Variants in FOXN3 observed in about 807,000 individuals in gnomAD.
The protein encoded by FOXN3 is forkhead box protein N3.
A neutral mutation model predicts 38.4 loss-of-function variants in FOXN3; 7 were observed. The ratio of observed to expected loss-of-function variants is 0.18; its 90% CI spans 0.10 to 0.34. The LOEUF (loss-of-function observed/expected upper bound fraction) is 0.34, where lower values mean the gene tolerates loss of function less well. FOXN3 is among the 10% of genes least tolerant of loss of function. The pLI is 1.00. For synonymous variants in FOXN3, 230 were observed against 242.2 expected (o/e 0.95, Z 0.47); for missense variants, 456 against 613.4 (o/e 0.74, Z 2.71).
intron 3 of FOXN3, chr14:89,349,598 G>C (rs1391498670): frequency 6.6e-6 from 1 of 152,626 alleles, no homozygotes; most frequent in Non-Finnish European, 1.5e-5. Flanking sequence ...CACGCTAATC[G>C]CCTAGCAAAG....
intron 4 of FOXN3, among the ~76,000 whole-genome samples, chr14:89,203,739 C>A (rs981748685): frequency 6.6e-6 from 1 of 152,136 alleles, no homozygotes; most frequent in Non-Finnish European, 1.5e-5. Flanking sequence ...CACATTTCTT[C>A]CGCTCCCAGG....
chr14:89,533,290 T>C (rs1894611082), intron 1 of FOXN3, among the ~76,000 whole-genome samples: 1 of 152,212 alleles, frequency 6.6e-6, no homozygotes, highest in Non-Finnish European at 1.5e-5. Flanking sequence ...TGCCAGCTGA[T>C]GACACTCATG....
chr14:89,453,194 C>T (rs898668292), intron 1 of FOXN3, among the ~76,000 whole-genome samples: 5 of 150,554 alleles, frequency 3.3e-5, no homozygotes. Flanking sequence ...AGGAAAACTC[C>T]GTCTCAAAAA....
chr14:89,368,945 G>A (rs898636448), intron 2 of FOXN3, among the ~76,000 whole-genome samples: 1 of 152,170 alleles, frequency 6.6e-6, no homozygotes, highest in African/African-American at 2.4e-5. Flanking sequence ...TAGGGGAAAA[G>A]ATCCCTGGCT....
intron 3 of FOXN3, among the ~76,000 whole-genome samples, chr14:89,297,128 CAA>C (rs11423415): frequency 0.058 from 8,864 of 151,984 alleles, 398 homozygotes; most frequent in Non-Finnish European, 0.081. Context: ...GTAAAACTAA[CAA>C]GAGGAAAGGC....
At chr14:89,591,494 C>T (rs1428373519) in intron 1 of FOXN3, among the ~76,000 whole-genome samples, 1 of 152,180 alleles carries the variant, frequency 6.6e-6, no homozygotes, top group African/African-American at 2.4e-5. Flanking sequence ...GGAAGCTCCC[C>T]AGTCCATGAG....
At chr14:89,261,149 TG>T (rs890297293) in intron 4 of FOXN3, among the ~76,000 whole-genome samples, 3 of 152,208 alleles carry the variant, frequency 2.0e-5, no homozygotes, top group Non-Finnish European at 4.4e-5. Flanking sequence ...CAGGCCTGGC[TG>T]GGGCCTGCAA....
intron 1 of FOXN3, among the ~76,000 whole-genome samples, chr14:89,578,615 C>T (rs192440280): frequency 2.0e-5 from 3 of 152,266 alleles, no homozygotes; most frequent in African/African-American, 7.2e-5. Context: ...AGAAATGATA[C>T]CACCTTCCAA....
At chr14:89,519,491 T>C (rs1894276966) in intron 1 of FOXN3, among the ~76,000 whole-genome samples, 1 of 152,186 alleles carries the variant, frequency 6.6e-6, no homozygotes, top group African/African-American at 2.4e-5. Context: ...TGGAGCTCTC[T>C]GCGTGTGGTG....
chr14:89,204,518 T>A (rs66698341), intron 4 of FOXN3, among the ~76,000 whole-genome samples: 67,574 of 151,936 alleles, frequency 0.44, 15,438 homozygotes, highest in African/African-American at 0.54. Flanking sequence ...GTATTTTTTT[T>A]AAAAAACTTT....
intron 1 of FOXN3, among the ~76,000 whole-genome samples, chr14:89,570,164 T>G (rs570760526): frequency 6.6e-6 from 1 of 152,164 alleles, no homozygotes; most frequent in Admixed American, 6.5e-5. Flanking sequence ...CACGCCCGGC[T>G]AATTTTTTGT....
chr14:89,432,549 C>A (rs1892181271), intron 1 of FOXN3, among the ~76,000 whole-genome samples: 1 of 152,198 alleles, frequency 6.6e-6, no homozygotes, highest in Admixed American at 6.5e-5. Context: ...TCCTCATTTA[C>A]AGATGAGGAC....
intron 4 of FOXN3, among the ~76,000 whole-genome samples, chr14:89,276,610 G>A (rs1208427695): frequency 6.6e-6 from 1 of 152,190 alleles, no homozygotes; most frequent in East Asian, 1.9e-4. Flanking sequence ...TGGTTGAGAG[G>A]GTGGGACCTG....
At chr14:89,377,642 G>T (rs564007428) in intron 2 of FOXN3, among the ~76,000 whole-genome samples, 1 of 152,294 alleles carries the variant, frequency 6.6e-6, no homozygotes, top group Non-Finnish European at 1.5e-5. Flanking sequence ...TAAAAAATAA[G>T]AAGGGAAAAG....
In FOXN3 at chr14:89,511,750, A is replaced by C. The variant is rs148101134; in HGVS notation, c.-14-99260T>G. On this transcript the variant is annotated intron_variant, in intron 1 of 6. Transcript: ENST00000345097. ...GACTGGGTAATTTATAAAGAAAAGAAGTTTAATTGACTCACGGTTCTGCAG... is the reference window on the plus strand; with the variant it reads ...GACTGGGTAATTTATAAAGAAAAGACGTTTAATTGACTCACGGTTCTGCAG... Among the ~76,000 whole-genome samples the C allele has an allele frequency of 1.0e-3, 159 of 152,278 alleles. 2 individuals are homozygous for C. Among genetic ancestry groups the C allele is most frequent in the African/African-American group, 3.5e-3 (146 of 41,550 alleles).
intron 1 of FOXN3, among the ~76,000 whole-genome samples, chr14:89,533,624 T>C (rs536155947): frequency 8.3e-6 from 1 of 120,688 alleles, no homozygotes; most frequent in South Asian, 2.8e-4. Context: ...ATCGCACCAC[T>C]GCACTCCAGC....
intron 1 of FOXN3, among the ~76,000 whole-genome samples, chr14:89,467,351 G>A (rs1892990892): frequency 6.6e-6 from 1 of 152,204 alleles, no homozygotes; most frequent in African/African-American, 2.4e-5. Flanking sequence ...TGTAGAAAAG[G>A]GGCTGGGAAC....
At chr14:89,194,502 G>C (rs1019205773) in intron 4 of FOXN3, among the ~76,000 whole-genome samples, 1 of 152,044 alleles carries the variant, frequency 6.6e-6, no homozygotes, top group Non-Finnish European at 1.5e-5. Context: ...TCCTTCTATG[G>C]AAAAGTGTCC....
intron 3 of FOXN3, among the ~76,000 whole-genome samples, chr14:89,288,712 CTCTCTCTCTCTCTATATATATATATA>C (rs1886744351): frequency 6.7e-4 from 46 of 69,106 alleles, no homozygotes; most frequent in African/African-American, 2.5e-3. Flanking sequence ...CTCTCTCTCT[CTCTCTCTCTCTCTATATATATATATA>C]TATATATATA....
Sources: gnomAD v4.1 joint callset for allele counts (sites outside exome capture counted in the v4.1 genomes callset) on GRCh38, gnomAD v4.1.1 for gene constraint, MANE v1.5 for transcripts, NCBI Gene and HGNC (gene_info 2026-07-23, HGNC 2026-07-21) for gene names.